The following SLC43A2 variants were observed in gnomAD, a reference collection of about 807,000 sequenced individuals.
SLC43A2 encodes the protein large neutral amino acids transporter small subunit 4.
Under a neutral mutation model 63.2 loss-of-function variants are expected in SLC43A2, and 38 were observed. The ratio of observed to expected loss-of-function variants is 0.60; its 90% CI spans 0.46 to 0.79. The LOEUF is 0.79. SLC43A2 is among the 30% of genes least tolerant of loss of function. The pLI is 0.00. For missense variants in SLC43A2, 644 were observed against 756.2 expected, an observed-to-expected ratio of 0.85 and a Z score of 1.74; for synonymous variants, 322 against 331.0, an observed-to-expected ratio of 0.97 and a Z score of 0.30.
chr17:1,621,964 C>T (rs1421456978), intron 2 of SLC43A2, among the ~76,000 whole-genome samples: 2 of 152,224 alleles, frequency 1.3e-5, no homozygotes, highest in Non-Finnish European at 2.9e-5. Context: ...GGGAATGGGA[C>T]TAAGACTCTC....
chr17:1,590,014 T>G (rs1228201483), intron 9 of SLC43A2, among the ~76,000 whole-genome samples: 1 of 152,164 alleles, frequency 6.6e-6, no homozygotes, highest in Non-Finnish European at 1.5e-5. Context: ...CCTAAAAACC[T>G]GATAACTGAT....
In SLC43A2 at chr17:1,616,647, C is replaced by T; in HGVS notation, c.283G>A (p.Gly95Ser). 1.2e-6 allele frequency: 2 copies of T among 1,614,168 alleles called. No individual in the cohort carries two copies. The highest frequency in any genetic ancestry group is 1.7e-6 in the Non-Finnish European group (2 of 1,180,026). ...GTGATGGCACTGAGCAGAAAGGAGC[C>T]CACAGTGAAGGCCAAATTTAGCATC... ...DEMLNLAFTV[G>S]SFLLSAITLP... is the part of the protein sequence containing the mutation. Residue 95 changes from glycine (G) to serine (S), a missense_variant, in exon 3 of 14, where the codon GGC (glycine) becomes AGC (serine). By Grantham distance (56) the Gly-to-Ser change is moderately conservative. Around this residue, in one of 3 missense-constraint regions of SLC43A2, gnomAD observed 528 missense variants for 623.6 expected, o/e 0.85. Coordinates refer to ENST00000301335, the MANE Select transcript of SLC43A2 (RefSeq NM_152346.3).
intron 13 of SLC43A2, 22 bp downstream of exon 13, chr17:1,576,575 A>G: frequency 1.3e-6 from 2 of 1,589,000 alleles, no homozygotes; most frequent in Non-Finnish European, 1.7e-6. Context: ...CCCATGACCC[A>G]CCATCCCCCG....
At chr17:1,586,928 T>TGGGGCCCCCCCCCCCCCCCCCCC in intron 9 of SLC43A2, 1 of 1,232,908 alleles carries the variant, frequency 8.1e-7, no homozygotes, top group Non-Finnish European at 1.1e-6. Context: ...TCCCTGACAA[T>TGGGGCCCCCCCCCCCCCCCCCCC]CCCCCCCACC....
At position 1,591,683 on chromosome 17, in the gene SLC43A2, C is replaced by T; in HGVS notation, c.611G>A (p.Gly204Asp). The T allele has an allele frequency of 6.5e-7, 1 of 1,543,326 alleles. No individual in the cohort carries two copies. The change falls in exon 7 of 14, where the codon GGT becomes GAT. Residue 204 changes from glycine (G) to aspartate (D), a missense_variant. Gly to Asp is a moderately conservative substitution (Grantham distance 94). This residue lies in a region of SLC43A2 where 528 missense variants were observed against 623.6 expected (regional missense o/e 0.85). Transcript: ENST00000301335. ...FPGIKLIYDA[G>D]VSFIVVLVVW... ...CACGAGGACGACGATGAAGGAGACACCAGCATCATAGATGAGCTGACAGGC... is the reference window on the plus strand; with the variant it reads ...CACGAGGACGACGATGAAGGAGACATCAGCATCATAGATGAGCTGACAGGC...
intron 11 of SLC43A2, among the ~76,000 whole-genome samples, chr17:1,581,225 C>CACACACACACACACAT (rs1194865812): frequency 6.6e-6 from 1 of 152,024 alleles, no homozygotes; most frequent in African/African-American, 2.4e-5. Context: ...CACACACGCA[C>CACACACACACACACAT]GCTGTGCAGG....
intron 4 of SLC43A2, among the ~76,000 whole-genome samples, chr17:1,614,044 C>A (rs1460269585): frequency 1.3e-5 from 2 of 152,024 alleles, no homozygotes; most frequent in Non-Finnish European, 2.9e-5. Flanking sequence ...GAGATCAAGA[C>A]CATCCTGGTT....
chr17:1,618,019 G>A (rs918176228), intron 2 of SLC43A2, among the ~76,000 whole-genome samples: 5 of 152,370 alleles, frequency 3.3e-5, no homozygotes, highest in East Asian at 3.9e-4. Flanking sequence ...TCAAGGAAAC[G>A]CTCTTCTTCC....
intron 9 of SLC43A2, among the ~76,000 whole-genome samples, chr17:1,588,697 C>CAAA: frequency 1.1e-5 from 1 of 89,174 alleles, no homozygotes; most frequent in Non-Finnish European, 2.2e-5. Context: ...GACCCCAACT[C>CAAA]AAAAAAAAAA....
At chr17:1,621,683 A>G (rs1414632265) in intron 2 of SLC43A2, among the ~76,000 whole-genome samples, 1 of 152,166 alleles carries the variant, frequency 6.6e-6, no homozygotes, top group Non-Finnish European at 1.5e-5. Context: ...CCCACCCCAT[A>G]TTCCCCACGA....
Position 1,605,294 on chromosome 17 carries a change from G to T in SLC43A2, c.501+7901C>A. 1 of 965,678 alleles carries T rather than the reference G, an allele frequency of 1.0e-6. No homozygotes were observed. Among genetic ancestry groups the T allele is most frequent in the East Asian group, 1.0e-4 (1 of 9,852 alleles). The allele number at this position is 965,678 out of a possible 1,614,324, so 59.8% of individuals were successfully genotyped here. A position where few individuals can be genotyped will look rare whatever the true frequency, so the allele number is the denominator to read the frequency against. On this transcript the variant is annotated intron_variant, in intron 5 of 13. Coordinates refer to ENST00000301335, the MANE Select transcript of SLC43A2 (RefSeq NM_152346.3). This position sits in a 1 kb window ranked among gnomAD's most constrained non-coding sequence, Gnocchi z 4.9. ...GGCCGGACTGTGTGACCTTCCCAGA[G>T]GGGAAAACAGCAGCTGCAGGCGGCC...
Position 1,577,141 on chromosome 17 carries a change from G to A in SLC43A2, c.1425-421C>T, listed in dbSNP as rs1466927156. On this transcript the variant is annotated intron_variant, in intron 12 of 13. Coordinates refer to ENST00000301335, the MANE Select transcript of SLC43A2 (RefSeq NM_152346.3). The surrounding 1 kb of genome is among the most constrained non-coding windows in gnomAD (Gnocchi z 4.9). ...GGCCTCCCAAAGTTCTGGGATTACA[G>A]GCGTGAGCCACCGCGCCCGGCCCTG... Among the ~76,000 whole-genome samples the A allele has an allele frequency of 6.6e-6, 1 of 152,178 alleles. No homozygotes were observed. Among genetic ancestry groups the A allele is most frequent in the Non-Finnish European group, 1.5e-5 (1 of 68,036 alleles).
At chr17:1,628,864 C>G (rs912671605), upstream of SLC43A2, 1 of 152,292 alleles carries the variant, frequency 6.6e-6, no homozygotes, top group Non-Finnish European at 1.5e-5. Context: ...CCCTTTTATT[C>G]CGACCCCAAG....
At chr17:1,617,998 C>T (rs571438373) in intron 2 of SLC43A2, among the ~76,000 whole-genome samples, 14 of 152,362 alleles carry the variant, frequency 9.2e-5, no homozygotes, top group South Asian at 4.1e-4. Context: ...CATGAGGTCA[C>T]GCTGGGAGAG....
In SLC43A2 at chr17:1,597,212, T is replaced by TA. The variant is rs935079514; in HGVS notation, c.502-3934dup. 2.8e-4 allele frequency among the ~76,000 whole-genome samples: 34 copies of TA among 120,120 alleles called. 1 individual carries two copies. Among genetic ancestry groups the TA allele is most frequent in the Non-Finnish European group, 3.3e-4 (19 of 58,166 alleles). The allele number at this position is 120,120 out of a possible 152,430, so 78.8% of individuals were successfully genotyped here. Reference sequence around the variant, plus strand: ...TGCGCAACAGAGCAAGACTACGTTTTAAAAAAAAGAGGCTGGGCACGGTGG... The same window carrying TA: ...TGCGCAACAGAGCAAGACTACGTTTTAAAAAAAAAGAGGCTGGGCACGGTGG... On this transcript the variant is annotated intron_variant, in intron 5 of 13. Transcript: ENST00000301335.
At position 1,583,587 on chromosome 17, in the gene SLC43A2, G is replaced by A. The variant is rs1221835573; in HGVS notation, c.1218-251C>T. ...AGAAGATGGCCATCCATATGCTGCA[G>A]TGCTCTGTGAAGGCTGAGCTAAGAC... On this transcript the variant is annotated intron_variant, in intron 10 of 13. Coordinates refer to ENST00000301335, the MANE Select transcript of SLC43A2 (RefSeq NM_152346.3). The surrounding 1 kb of genome is among the most constrained non-coding windows in gnomAD (Gnocchi z 5.5). 2 of 509,836 alleles carry A rather than the reference G, an allele frequency of 3.9e-6. No individual in the cohort carries two copies. Among genetic ancestry groups the A allele is most frequent in the African/African-American group, 1.9e-5 (1 of 52,444 alleles). The allele number at this position is 509,836 out of a possible 1,614,324, so 31.6% of individuals were successfully genotyped here.
At position 1,605,001 on chromosome 17, in the gene SLC43A2, G is replaced by A; in HGVS notation, c.501+8194C>T. 6.9e-7 allele frequency: 1 copy of A among 1,440,624 alleles called. No homozygotes were observed. The highest frequency in any genetic ancestry group is 2.5e-5 in the Admixed American group (1 of 39,596). The allele number at this position is 1,440,624 out of a possible 1,614,324, so 89.2% of individuals were successfully genotyped here. ...GCGGGCCTCGAGGGCTGGCGGAGGGGAAGGACCCCAGGAGGGGAAGGACCA... is the reference window on the plus strand; with the variant it reads ...GCGGGCCTCGAGGGCTGGCGGAGGGAAAGGACCCCAGGAGGGGAAGGACCA... On this transcript the variant is annotated intron_variant, in intron 5 of 13. Transcript: ENST00000301335. This position sits in a 1 kb window ranked among gnomAD's most constrained non-coding sequence, Gnocchi z 4.9.
At chr17:1,602,993 A>C (rs1906214789) in intron 5 of SLC43A2, 1 of 151,932 alleles carries the variant, frequency 6.6e-6, no homozygotes, top group Non-Finnish European at 1.5e-5. Context: ...TCCTGACCTC[A>C]GGTGATCCAC....
intron 2 of SLC43A2, among the ~76,000 whole-genome samples, chr17:1,617,194 C>A (rs1907761115): frequency 6.6e-6 from 1 of 152,148 alleles, no homozygotes; most frequent in Non-Finnish European, 1.5e-5. Flanking sequence ...CTTCTCACGG[C>A]AGCTATGTCC....
Sources: gnomAD v4.1 joint callset for allele counts (sites outside exome capture counted in the v4.1 genomes callset) on GRCh38, gnomAD v4.1.1 for gene constraint, gnomAD v4.1.1 regional missense constraint, Gnocchi (gnomAD v3.1) non-coding constraint, MANE v1.5 for transcripts, NCBI Gene and HGNC (gene_info 2026-07-23, HGNC 2026-07-21) for gene names.